PRELID2: variants seen among roughly 807,000 people sequenced by gnomAD.
PRELID2 encodes the protein PRELI domain-containing protein 2.
A neutral mutation model predicts 28.4 loss-of-function variants in PRELID2; 25 were observed. The ratio of observed to expected loss-of-function variants is 0.88; its 90% confidence interval spans 0.64 to 1.23. The LOEUF is 1.23. PRELID2 is among the 50% of genes most tolerant of loss of function. The pLI is 0.00. For missense variants in PRELID2, 201 were observed against 214.4 expected, an observed-to-expected ratio of 0.94 and a Z score of 0.39; for synonymous variants, 76 against 71.6, an observed-to-expected ratio of 1.06 and a Z score of -0.31.
chr5:145,480,511 AAAT>A (rs1752148520), intron 1 of PRELID2, among the ~76,000 whole-genome samples: 1 of 152,192 alleles, frequency 6.6e-6, no homozygotes, highest in African/African-American at 2.4e-5. Context: ...TAAAATAATT[AAAT>A]ATGTGTATGT....
chr5:145,553,975 A>G (rs1752859732), intron 1 of PRELID2, among the ~76,000 whole-genome samples: 2 of 152,174 alleles, frequency 1.3e-5, no homozygotes, highest in South Asian at 2.1e-4. Flanking sequence ...CTGGTGGATG[A>G]TAATACCTTT....
At chr5:145,677,187 T>C (rs139739530) in intron 1 of PRELID2, among the ~76,000 whole-genome samples, 7,650 of 143,954 alleles carry the variant, frequency 0.053, 497 homozygotes, top group African/African-American at 0.15. Context: ...CAGATTCTCA[T>C]TCTGTCATCC....
chr5:145,444,133 C>T, the PRELID2 span, among the ~76,000 whole-genome samples: 4 of 151,994 alleles, frequency 2.6e-5, no homozygotes, highest in Admixed American at 6.6e-5. Flanking sequence ...ACCATGCCCT[C>T]TGTGTAATAA....
chr5:145,706,870 C>T (rs1755561969), intron 1 of PRELID2, among the ~76,000 whole-genome samples: 1 of 152,172 alleles, frequency 6.6e-6, no homozygotes, highest in African/African-American at 2.4e-5. Flanking sequence ...GCTGGCAAAG[C>T]CGAGATTCAA....
intron 5 of PRELID2, among the ~76,000 whole-genome samples, chr5:145,787,082 G>A (rs921502016): frequency 6.6e-5 from 10 of 152,088 alleles, no homozygotes; most frequent in African/African-American, 2.4e-4. Flanking sequence ...CAGGAGAGTG[G>A]CTGAAATAAC....
chr5:145,777,668 G>A (rs1478220639), intron 5 of PRELID2, among the ~76,000 whole-genome samples: 6 of 152,140 alleles, frequency 3.9e-5, no homozygotes, highest in South Asian at 4.1e-4. Context: ...TGGGAGCCCC[G>A]CCTGCCTGCG....
chr5:145,462,409 T>G, the PRELID2 span, among the ~76,000 whole-genome samples: 1 of 152,216 alleles, frequency 6.6e-6, no homozygotes, highest in African/African-American at 2.4e-5. Flanking sequence ...ATATTGTGAC[T>G]ACAAAAGCTG....
At chr5:145,340,905 T>C in the PRELID2 span, among the ~76,000 whole-genome samples, 1 of 151,294 alleles carries the variant, frequency 6.6e-6, no homozygotes, top group Non-Finnish European at 1.5e-5. Context: ...AAGACTGGCC[T>C]ACCAGCATCC....
intron 1 of PRELID2, among the ~76,000 whole-genome samples, chr5:145,556,387 C>G (rs1752880520): frequency 6.6e-6 from 1 of 152,034 alleles, no homozygotes; most frequent in African/African-American, 2.4e-5. Flanking sequence ...ATCTTGATAT[C>G]ATTTCACTCC....
At chr5:145,252,931 A>C in the PRELID2 span, among the ~76,000 whole-genome samples, 32,220 of 152,012 alleles carry the variant, frequency 0.21, 4,516 homozygotes, top group Non-Finnish European at 0.29. Flanking sequence ...ATGTTAGGTA[A>C]ATTTTACTAT....
At chr5:145,698,154 A>G (rs1468985644) in intron 1 of PRELID2, among the ~76,000 whole-genome samples, 1 of 152,180 alleles carries the variant, frequency 6.6e-6, no homozygotes, top group Non-Finnish European at 1.5e-5. Context: ...TTAGATTTCA[A>G]TTCCAATTCA....
At chr5:145,828,248 T>A (rs1437621411) in intron 1 of PRELID2, among the ~76,000 whole-genome samples, 1 of 152,144 alleles carries the variant, frequency 6.6e-6, no homozygotes, top group Non-Finnish European at 1.5e-5. Context: ...AAGGAAACAA[T>A]TTAATTACAG....
At chr5:145,259,491 G>C in the PRELID2 span, among the ~76,000 whole-genome samples, 274 of 152,294 alleles carry the variant, frequency 1.8e-3, no homozygotes, top group African/African-American at 6.2e-3. Flanking sequence ...TCTGGATGTG[G>C]GATATGATGC....
chr5:145,251,257 C>T, the PRELID2 span, among the ~76,000 whole-genome samples: 1 of 152,118 alleles, frequency 6.6e-6, no homozygotes, highest in Non-Finnish European at 1.5e-5. Context: ...ATGGATAATA[C>T]TATTGCTGAG....
the PRELID2 span, among the ~76,000 whole-genome samples, chr5:145,388,596 C>T: frequency 6.6e-6 from 1 of 152,180 alleles, no homozygotes; most frequent in Non-Finnish European, 1.5e-5. Context: ...TGGCTCCTTC[C>T]TACACTCAAA....
intron 1 of PRELID2, among the ~76,000 whole-genome samples, chr5:145,491,834 A>G (rs750029073): frequency 3.3e-5 from 5 of 152,056 alleles, no homozygotes; most frequent in Admixed American, 1.3e-4. Context: ...CACTTAATGT[A>G]ATGTTCTCCA....
chr5:145,283,533 G>A, the PRELID2 span, among the ~76,000 whole-genome samples: 1 of 152,058 alleles, frequency 6.6e-6, no homozygotes, highest in Non-Finnish European at 1.5e-5. Context: ...TGCATTTGCT[G>A]GCCCATTTTA....
At chr5:145,800,061 A>G (rs1333624905) in intron 4 of PRELID2, among the ~76,000 whole-genome samples, 2 of 152,174 alleles carry the variant, frequency 1.3e-5, no homozygotes, top group East Asian at 3.8e-4. Context: ...CGTCTCCTGT[A>G]TGTATAGTTG....
At chr5:145,514,178 G>A (rs184034223) in intron 1 of PRELID2, among the ~76,000 whole-genome samples, 53 of 152,110 alleles carry the variant, frequency 3.5e-4, no homozygotes, top group African/African-American at 1.2e-3. Flanking sequence ...GTTAAATGCC[G>A]CAATTGAAAG....
Sources: gnomAD v4.1 joint callset for allele counts (sites outside exome capture counted in the v4.1 genomes callset) on GRCh38, gnomAD v4.1.1 for gene constraint, MANE v1.5 for transcripts, NCBI Gene and HGNC (gene_info 2026-07-23, HGNC 2026-07-21) for gene names.